Variants in DCAF6 observed in about 807,000 individuals in gnomAD.
The protein encoded by DCAF6 is DDB1 and CUL4 associated factor 6, also known as DDB1- and CUL4-associated factor 6.
A neutral mutation model predicts 125.1 loss-of-function variants in DCAF6; 54 were observed. The observed-to-expected ratio is 0.43, with a 90% CI of 0.35 to 0.54. DCAF6 has a LOEUF of 0.54. Ranked by LOEUF, DCAF6 falls within the 20% of genes least tolerant of loss-of-function variation. The pLI, the probability that DCAF6 is intolerant of heterozygous loss-of-function variation, is 0.01. For missense variants in DCAF6, 934 were observed against 1,161.7 expected (o/e 0.80, Z 2.85); for synonymous variants, 371 against 390.4 (o/e 0.95, Z 0.58).
chr1:167,959,001 T>G (rs1203320418), intron 2 of DCAF6, among the ~76,000 whole-genome samples: 2 of 152,198 alleles, frequency 1.3e-5, no homozygotes, highest in Non-Finnish European at 2.9e-5. Flanking sequence ...TGTGGAGTTG[T>G]TTCACTGCCT....
At chr1:167,951,768 A>G (rs1673986236) in intron 1 of DCAF6, 32 bp from the exon 2 acceptor site, 1 of 1,377,880 alleles carries the variant, frequency 7.3e-7, no homozygotes, top group Non-Finnish European at 1.0e-6. Flanking sequence ...TATTTGTGTG[A>G]TTTATTTAAT....
chr1:168,063,501 TGC>T (rs1691874363), intron 17 of DCAF6, 118 bp from the exon 18 acceptor site: 1 of 759,890 alleles, frequency 1.3e-6, no homozygotes, highest in African/African-American at 1.8e-5. Flanking sequence ...TGGTTGGGGG[TGC>T]CTTATTGAGA....
chr1:168,023,435 T>A (rs538154220), intron 12 of DCAF6: 1 of 206,120 alleles, frequency 4.9e-6, no homozygotes, highest in South Asian at 1.1e-4. Flanking sequence ...TGATATTCTA[T>A]ATTACTAGAT....
At chr1:168,039,209 A>G (rs1274307459) in intron 13 of DCAF6, among the ~76,000 whole-genome samples, 1 of 152,076 alleles carries the variant, frequency 6.6e-6, no homozygotes, top group African/African-American at 2.4e-5. Context: ...ATTATTTCCA[A>G]AAGAATCTTT....
intron 5 of DCAF6, among the ~76,000 whole-genome samples, 172 bp downstream of exon 5, chr1:167,987,780 G>A (rs1680223275): frequency 6.6e-6 from 1 of 152,014 alleles, no homozygotes; most frequent in African/African-American, 2.4e-5. Flanking sequence ...TAAGCATATA[G>A]TTTATAATCA....
chr1:168,052,328 G>A (rs1393773657), intron 17 of DCAF6, among the ~76,000 whole-genome samples: 2 of 152,178 alleles, frequency 1.3e-5, no homozygotes, highest in African/African-American at 4.8e-5. Context: ...AAAGTACCAT[G>A]ATGCTTTAAT....
At chr1:167,917,431 T>C in the DCAF6 span, 1 of 151,900 alleles carries the variant, frequency 6.6e-6, no homozygotes, top group African/African-American at 2.4e-5. Context: ...AAACCCTACC[T>C]CTACAAAAAT....
the DCAF6 span, among the ~76,000 whole-genome samples, chr1:167,896,403 T>C: frequency 6.6e-6 from 1 of 151,810 alleles, no homozygotes; most frequent in Non-Finnish European, 1.5e-5. Context: ...TAGGGAGAGG[T>C]GGATGGTGTG....
intron 17 of DCAF6, among the ~76,000 whole-genome samples, chr1:168,051,674 C>T (rs1051548491): frequency 1.3e-5 from 2 of 152,074 alleles, no homozygotes; most frequent in Admixed American, 6.6e-5. Context: ...ATGAAAAATA[C>T]AGAAGTCATG....
chr1:167,902,041 A>G, the DCAF6 span: 1 of 1,612,334 alleles, frequency 6.2e-7, no homozygotes, highest in Non-Finnish European at 8.5e-7. Context: ...TGTCTCCTCC[A>G]AAAATCAACA....
intron 2 of DCAF6, among the ~76,000 whole-genome samples, chr1:167,965,016 C>G (rs1676181909): frequency 6.6e-6 from 1 of 152,294 alleles, no homozygotes; most frequent in Admixed American, 6.5e-5. Context: ...CTTACAGTTC[C>G]AACAGTCCTG....
intron 1 of DCAF6, among the ~76,000 whole-genome samples, chr1:167,938,305 G>T (rs918859778): frequency 6.6e-6 from 1 of 152,034 alleles, no homozygotes; most frequent in African/African-American, 2.4e-5. Context: ...CTGAGTGCAT[G>T]GTGTCATATT....
intron 4 of DCAF6, among the ~76,000 whole-genome samples, chr1:167,982,145 T>G (rs537873983): frequency 6.6e-6 from 1 of 152,366 alleles, no homozygotes; most frequent in South Asian, 2.1e-4. Flanking sequence ...CATTTTATTT[T>G]GTGTTCGTTG....
At chr1:167,867,312 G>T in the DCAF6 span, among the ~76,000 whole-genome samples, 1 of 152,110 alleles carries the variant, frequency 6.6e-6, no homozygotes, top group Non-Finnish European at 1.5e-5. Flanking sequence ...GAAGCTGACT[G>T]GTCCACGCAC....
chr1:167,977,131 C>T (rs1268760648), intron 4 of DCAF6, among the ~76,000 whole-genome samples: 5 of 150,072 alleles, frequency 3.3e-5, no homozygotes, highest in African/African-American at 1.2e-4. Context: ...CTCGAACTCC[C>T]GACCTCAGGT....
chr1:167,876,855 T>G, the DCAF6 span, among the ~76,000 whole-genome samples: 1 of 152,334 alleles, frequency 6.6e-6, no homozygotes, highest in South Asian at 2.1e-4. Context: ...TGAAAAATGC[T>G]TTTGCATTGG....
intron 7 of DCAF6, 124 bp from the exon 8 acceptor site, chr1:168,002,358 G>A: frequency 1.3e-6 from 1 of 743,930 alleles, no homozygotes. Context: ...ATATTTTCAT[G>A]TAGATCTAAT....
intron 21 of DCAF6, among the ~76,000 whole-genome samples, chr1:168,069,093 T>G (rs1436209313): frequency 6.6e-6 from 1 of 152,276 alleles, no homozygotes; most frequent in African/African-American, 2.4e-5. Flanking sequence ...ATTTATAAAG[T>G]AACTATAATG....
At chr1:167,979,172 A>G (rs1204574933) in intron 4 of DCAF6, among the ~76,000 whole-genome samples, 1 of 152,058 alleles carries the variant, frequency 6.6e-6, no homozygotes, top group Non-Finnish European at 1.5e-5. Flanking sequence ...TTTACCCCAT[A>G]TGAAGTTTTT....
Sources: gnomAD v4.1 joint callset for allele counts (sites outside exome capture counted in the v4.1 genomes callset) on GRCh38, gnomAD v4.1.1 for gene constraint, MANE v1.5 for transcripts, NCBI Gene and HGNC (gene_info 2026-07-23, HGNC 2026-07-21) for gene names.